CHODL: variants seen among roughly 807,000 people sequenced by gnomAD.
The protein encoded by CHODL is chondrolectin.
Under a neutral mutation model 34.5 loss-of-function variants are expected in CHODL, and 29 were observed. The observed-to-expected ratio is 0.84, with a 90% CI of 0.63 to 1.15. The LOEUF is 1.15. CHODL is among the 50% of genes most tolerant of loss of function. The pLI is 0.00. For missense variants in CHODL, 332 were observed against 332.5 expected, an observed-to-expected ratio of 1.00 and a Z score of 0.01; for synonymous variants, 125 against 116.1, an observed-to-expected ratio of 1.08 and a Z score of -0.49.
At chr21:17,951,255 G>C (rs902040419) in intron 1 of CHODL, among the ~76,000 whole-genome samples, 2 of 152,074 alleles carry the variant, frequency 1.3e-5, no homozygotes, top group African/African-American at 4.8e-5. Flanking sequence ...CCAATTTCCT[G>C]TGTTGCCACA....
Position 17,992,852 on chromosome 21 carries a change from C to T in CHODL, c.-144-35020C>T, listed in dbSNP as rs567129684. Among the ~76,000 whole-genome samples, 41 of 150,826 alleles carry T rather than the reference C, an allele frequency of 2.7e-4. 1 individual carries two copies. In the East Asian group the frequency reaches 2.8e-3, roughly 10 times the overall value. On this transcript the variant is annotated intron_variant, in intron 1 of 6. Coordinates refer to the CHODL transcript ENST00000400127. ...TATTTTTAGTAGAGACGGGGTTTCTCCATGTTGGTCAGACTGGTCTGAAAC... is the reference window on the plus strand; with the variant it reads ...TATTTTTAGTAGAGACGGGGTTTCTTCATGTTGGTCAGACTGGTCTGAAAC...
At chr21:18,059,409 G>A (rs1284650962) in intron 2 of CHODL, among the ~76,000 whole-genome samples, 1 of 152,068 alleles carries the variant, frequency 6.6e-6, no homozygotes, top group Non-Finnish European at 1.5e-5. Flanking sequence ...ATCAAATGGG[G>A]CGAAGAGCCT....
chr21:18,263,452 A>G (rs1022068761), intron 5 of CHODL, among the ~76,000 whole-genome samples: 2 of 152,244 alleles, frequency 1.3e-5, no homozygotes, highest in South Asian at 2.1e-4. Flanking sequence ...ATAAAATCCT[A>G]TATTTTACCA....
At chr21:17,988,752 T>G (rs1416217860) in intron 1 of CHODL, among the ~76,000 whole-genome samples, 1 of 151,580 alleles carries the variant, frequency 6.6e-6, no homozygotes, top group Non-Finnish European at 1.5e-5. Flanking sequence ...GGCTGCATAG[T>G]ATTCCATGGT....
intron 2 of CHODL, among the ~76,000 whole-genome samples, chr21:18,237,358 T>C (rs1387683902): frequency 6.6e-6 from 1 of 152,164 alleles, no homozygotes; most frequent in Non-Finnish European, 1.5e-5. Flanking sequence ...CAGTGACTTC[T>C]GCAGAATAGG....
At chr21:18,156,369 T>C (rs73893007) in intron 2 of CHODL, among the ~76,000 whole-genome samples, 4,490 of 152,222 alleles carry the variant, frequency 0.029, 213 homozygotes, top group African/African-American at 0.1. Context: ...GGAGTCACAT[T>C]CAAGGAATCT....
At chr21:18,201,576 C>T (rs1210656138) in intron 2 of CHODL, among the ~76,000 whole-genome samples, 1 of 151,862 alleles carries the variant, frequency 6.6e-6, no homozygotes, top group Non-Finnish European at 1.5e-5. Context: ...TTTTTCTTTC[C>T]TTGGTATATT....
intron 2 of CHODL, among the ~76,000 whole-genome samples, chr21:18,215,334 ATCT>A (rs1439941359): frequency 2.0e-5 from 3 of 152,146 alleles, no homozygotes; most frequent in Admixed American, 6.5e-5. Context: ...TAGGCAATTG[ATCT>A]TCTCCAGCAT....
At chr21:18,049,487 AT>A (rs1298396682) in intron 2 of CHODL, among the ~76,000 whole-genome samples, 6 of 152,108 alleles carry the variant, frequency 3.9e-5, no homozygotes, top group Non-Finnish European at 7.4e-5. Flanking sequence ...TTACATTTTA[AT>A]TTCAATTATA....
At chr21:18,207,960 T>C (rs1025757542) in intron 2 of CHODL, among the ~76,000 whole-genome samples, 1 of 152,114 alleles carries the variant, frequency 6.6e-6, no homozygotes, top group African/African-American at 2.4e-5. Context: ...TTATATCTGC[T>C]TAGTGTTCTA....
chr21:17,966,066 G>A (rs77406307), intron 1 of CHODL, among the ~76,000 whole-genome samples: 2,359 of 151,700 alleles, frequency 0.016, 57 homozygotes, highest in African/African-American at 0.053. Flanking sequence ...TATGTCTAAC[G>A]GAATCCACCT....
chr21:18,109,011 TA>T (rs2065313700), intron 2 of CHODL, among the ~76,000 whole-genome samples: 1 of 151,266 alleles, frequency 6.6e-6, no homozygotes, highest in African/African-American at 2.4e-5. Flanking sequence ...CCAGAACTTA[TA>T]GCAGAATGTT....
Position 18,144,204 on chromosome 21 carries a change from C to T in CHODL, c.-44-112305C>T, listed in dbSNP as rs550418890. 2.6e-5 allele frequency among the ~76,000 whole-genome samples: 4 copies of T among 152,168 alleles called. No individual in the cohort carries two copies. The East Asian group carries it at 7.7e-4, about 29-fold the overall frequency. The stretch of plus-strand genomic sequence containing the variant: ...TGGGGTCATTTATTGTAAAGGGAAT[C>T]ATATCAGTTATTTGATACCTGAGAG... On this transcript the variant is annotated intron_variant, in intron 2 of 6. Transcript: ENST00000400127.
chr21:18,042,078 C>T (rs1272004520), intron 2 of CHODL, among the ~76,000 whole-genome samples: 1 of 151,436 alleles, frequency 6.6e-6, no homozygotes, highest in East Asian at 1.9e-4. Flanking sequence ...GTCCTGTAGG[C>T]TTTTAGAAAG....
chr21:18,167,205 CTCTCTCTG>C (rs1194922970), intron 2 of CHODL, among the ~76,000 whole-genome samples: 2 of 109,332 alleles, frequency 1.8e-5, no homozygotes, highest in East Asian at 5.1e-4. Flanking sequence ...TCCCATTTCT[CTCTCTCTG>C]TGTGTGTGTG....
rs1442097815 is a variant in CHODL, at chr21:18,266,615, T to C, written c.*577T>C. ...TTTGTTTTCTCGAAATAATTCATCT[T>C]TCAGCTTCTCTGCTTTTGGTCAATG... On this transcript the variant is annotated 3_prime_UTR_variant, in exon 6 of 6. Transcript: ENST00000299295. The C allele has an allele frequency of 6.5e-6, 1 of 153,612 alleles. No homozygotes were observed. The highest frequency in any genetic ancestry group is 2.4e-5 in the African/African-American group (1 of 41,458). 9.5% of individuals were successfully genotyped at this position (153,612 alleles called of 1,614,324 possible). A position where few individuals can be genotyped will look rare whatever the true frequency, so the allele number is the denominator to read the frequency against.
chr21:17,984,413 C>A (rs915887157), intron 1 of CHODL, among the ~76,000 whole-genome samples: 1 of 152,170 alleles, frequency 6.6e-6, no homozygotes, highest in Non-Finnish European at 1.5e-5. Flanking sequence ...GATCATATGG[C>A]AGTTCTACTT....
intron 1 of CHODL, among the ~76,000 whole-genome samples, chr21:17,982,013 C>CTTAA (rs1321425916): frequency 6.6e-6 from 1 of 152,186 alleles, no homozygotes; most frequent in African/African-American, 2.4e-5. Context: ...TAATATTTAA[C>CTTAA]AATGATATTA....
At position 18,181,801 on chromosome 21, in the gene CHODL, C is replaced by G. The variant is rs80259739; in HGVS notation, c.-44-74708C>G. 1.7e-3 allele frequency among the ~76,000 whole-genome samples: 266 copies of G among 152,342 alleles called. 2 individuals carry two copies. Among genetic ancestry groups the G allele is most frequent in the East Asian group, 8.7e-3 (45 of 5,184 alleles). Reference sequence around the variant, plus strand: ...TGAATGGAATCATATAGTAGATGGTCTCTTGTGACTGACTTCTTTCACTTA... The same window carrying G: ...TGAATGGAATCATATAGTAGATGGTGTCTTGTGACTGACTTCTTTCACTTA... On this transcript the variant is annotated intron_variant, in intron 2 of 6. Coordinates refer to the CHODL transcript ENST00000400127.
Sources: gnomAD v4.1 joint callset for allele counts (sites outside exome capture counted in the v4.1 genomes callset) on GRCh38, gnomAD v4.1.1 for gene constraint, MANE v1.5 for transcripts, NCBI Gene and HGNC (gene_info 2026-07-23, HGNC 2026-07-21) for gene names.